Variants in PPIP5K1 observed in about 807,000 individuals in gnomAD.
PPIP5K1 encodes the protein inositol hexakisphosphate and diphosphoinositol-pentakisphosphate kinase 1.
A neutral mutation model predicts 27.7 loss-of-function variants in PPIP5K1; 6 were observed. That is an observed-to-expected ratio of 0.22 (90% CI 0.12 to 0.43). The LOEUF is 0.43. PPIP5K1 is among the 20% of genes least tolerant of loss of function. The probability of loss-of-function intolerance (pLI) is 1.00; values close to 1 mark genes in which losing one functional copy is unlikely to be tolerated. For missense variants in PPIP5K1, 394 were observed against 635.4 expected (o/e 0.62, Z 4.08); for synonymous variants, 145 against 242.6 (o/e 0.60, Z 3.74).
chr15:43,553,624 T>TTACAGGTGTGAGCCACCTCGCCTGGCCAC (rs2082524089), intron 30 of PPIP5K1, among the ~76,000 whole-genome samples: 1 of 151,752 alleles, frequency 6.6e-6, no homozygotes, highest in Admixed American at 6.6e-5. Flanking sequence ...AGTGCTGGGA[T>TTACAGGTGTGAGCCACCTCGCCTGGCCAC]TTCCTTACTA....
At position 43,535,197 on chromosome 15, in the gene PPIP5K1, T is replaced by C. The variant is rs1019112749; in HGVS notation, c.3950A>G (p.Glu1317Gly). Residue 1317 changes from glutamate (E) to glycine (G), a missense_variant, in exon 32 of 32, where the codon GAG becomes GGG. Transcript: ENST00000420765. ...GCATGGCTGGCTGATGTCAGGGACC[T>C]CCTGACATGGCTGGCTGACCTCCTC... ...PYEEVSQPCQ[E>G]VPDISQPCQD... is the part of the protein sequence containing the mutation. 1 of 1,613,586 alleles carries C rather than the reference T, an allele frequency of 6.2e-7. No homozygotes were observed. Among genetic ancestry groups the C allele is most frequent in the Non-Finnish European group, 8.5e-7 (1 of 1,179,928 alleles).
At chr15:43,541,778 T>G (rs2080758093) in intron 30 of PPIP5K1, among the ~76,000 whole-genome samples, 1 of 152,106 alleles carries the variant, frequency 6.6e-6, no homozygotes, top group Non-Finnish European at 1.5e-5. Flanking sequence ...CAGTTGTCTT[T>G]GCAGAAGGTC....
chr15:43,557,236 C>A (rs1419766135), intron 30 of PPIP5K1, among the ~76,000 whole-genome samples: 2 of 152,130 alleles, frequency 1.3e-5, no homozygotes. Flanking sequence ...CACCTGAGGT[C>A]AGGAGTTCAA....
chr15:43,539,184 C>T (rs900020686), intron 31 of PPIP5K1, among the ~76,000 whole-genome samples: 2 of 142,812 alleles, frequency 1.4e-5, no homozygotes, highest in Non-Finnish European at 1.5e-5. Flanking sequence ...GCAATAAGAG[C>T]GAAACTCTGT....
chr15:43,547,098 T>A (rs944110687), intron 30 of PPIP5K1, among the ~76,000 whole-genome samples: 1 of 152,174 alleles, frequency 6.6e-6, no homozygotes, highest in African/African-American at 2.4e-5. Context: ...GGCTATCCGG[T>A]GGGTATGAAG....
rs1036956948 is a variant in PPIP5K1 at position 43,533,819 on chromosome 15, C to T, written c.*855G>A. On this transcript the variant is annotated 3_prime_UTR_variant, in exon 32 of 32. Transcript: ENST00000420765. ...CAGCATCTCCTAAGCCAAACAGCCC[C>T]ACCACAGAGGAGGCCCACTTTCACA... The T allele has an allele frequency of 5.9e-5, 9 of 152,158 alleles. No individual in the cohort carries two copies. The highest frequency in any genetic ancestry group is 9.7e-5 in the African/African-American group (4 of 41,414). 9.4% of individuals were successfully genotyped at this position (152,158 alleles called of 1,614,324 possible).
At chr15:43,538,821 C>T (rs1332882661) in intron 31 of PPIP5K1, among the ~76,000 whole-genome samples, 1 of 152,154 alleles carries the variant, frequency 6.6e-6, no homozygotes, top group Non-Finnish European at 1.5e-5. Flanking sequence ...CTCCTGCTCC[C>T]AGCTTTTCTA....
rs566636101 is a variant in PPIP5K1 at position 43,550,624 on chromosome 15, TA to T, written c.3556+8170del. ...ATTTGGATATTTTTTTTTCCTTGCC[TA>T]AAACTCCTGGTACGAATGTTGAATA... On this transcript the variant is annotated intron_variant, in intron 30 of 31. Transcript: ENST00000420765. Among the ~76,000 whole-genome samples the T allele has an allele frequency of 1.6e-4, 24 of 152,314 alleles. No homozygotes were observed. The South Asian group carries it at 5.0e-3, about 32-fold the overall frequency.
chr15:43,539,446 G>T, intron 31 of PPIP5K1, 24 bp downstream of exon 31: 2 of 1,479,132 alleles, frequency 1.4e-6, no homozygotes, highest in Non-Finnish European at 1.9e-6. Context: ...CTTTTGTCTA[G>T]GCAGTTCCAA....
chr15:43,557,234 G>T (rs1255682253), intron 30 of PPIP5K1, among the ~76,000 whole-genome samples: 1 of 152,104 alleles, frequency 6.6e-6, no homozygotes, highest in African/African-American at 2.4e-5. Context: ...ATCACCTGAG[G>T]TCAGGAGTTC....
chr15:43,579,381 TATACACACACAC>T (rs2084668653), intron 10 of PPIP5K1, among the ~76,000 whole-genome samples: 1 of 32,112 alleles, frequency 3.1e-5, no homozygotes, highest in South Asian at 1.5e-3. Flanking sequence ...GCTTCGATTA[TATACACACACAC>T]ACACACACAC....
rs75273125 is a variant in PPIP5K1 at position 43,557,690 on chromosome 15, A to G, written c.3556+1105T>C. On this transcript the variant is annotated intron_variant, in intron 30 of 31. Coordinates refer to ENST00000420765, the MANE Select transcript of PPIP5K1 (RefSeq NM_001394395.1). Reference sequence around the variant, plus strand: ...CTCTCTCTCTCTCTTTTGTGGTAACATCTTGCTCTGTCCACCCAGGCTGGA... The same window carrying G: ...CTCTCTCTCTCTCTTTTGTGGTAACGTCTTGCTCTGTCCACCCAGGCTGGA... 9.9e-3 allele frequency among the ~76,000 whole-genome samples: 1,500 copies of G among 150,764 alleles called. 29 individuals are homozygous for G. The highest frequency in any genetic ancestry group is 0.035 in the African/African-American group (1,439 of 41,030).
chr15:43,559,689 T>C (rs1038581439), intron 29 of PPIP5K1, among the ~76,000 whole-genome samples: 21 of 151,902 alleles, frequency 1.4e-4, no homozygotes, highest in African/African-American at 4.8e-5. Context: ...AACCCAAGAA[T>C]TCCAATGTAG....
chr15:43,550,843 C>G (rs914667319), intron 30 of PPIP5K1, among the ~76,000 whole-genome samples: 9 of 152,182 alleles, frequency 5.9e-5, no homozygotes, highest in Non-Finnish European at 1.3e-4. Flanking sequence ...AAATGTTTTT[C>G]TGTGTCAACT....
intron 29 of PPIP5K1, 32 bp from the exon 30 acceptor site, chr15:43,558,964 T>C: frequency 6.2e-7 from 1 of 1,610,688 alleles, no homozygotes; most frequent in Non-Finnish European, 8.5e-7. Flanking sequence ...AAGTCAATGT[T>C]ACTCCTGCCA....
In PPIP5K1 at chr15:43,549,679, A is replaced by T. The variant is rs190277656; in HGVS notation, c.3556+9116T>A. Among the ~76,000 whole-genome samples the T allele has an allele frequency of 6.0e-3, 909 of 152,250 alleles. 3 individuals carry two copies. Among genetic ancestry groups the T allele is most frequent in the African/African-American group, 0.021 (879 of 41,550 alleles). ...AAAAAAAAATCTTTATACAAATTTT[A>T]AAAAATTTATTTTGTAAGCCTGGGC... is the stretch of plus-strand genomic sequence containing the variant. On this transcript the variant is annotated intron_variant, in intron 30 of 31. Coordinates refer to ENST00000420765, the MANE Select transcript of PPIP5K1 (RefSeq NM_001394395.1).
chr15:43,537,593 G>C (rs1337412381), intron 31 of PPIP5K1, among the ~76,000 whole-genome samples: 1 of 149,082 alleles, frequency 6.7e-6, no homozygotes, highest in Non-Finnish European at 1.5e-5. Flanking sequence ...GGAGGCTGAG[G>C]TAGGAGAATC....
intron 30 of PPIP5K1, among the ~76,000 whole-genome samples, chr15:43,550,609 T>C (rs1241022839): frequency 6.6e-6 from 1 of 151,926 alleles, no homozygotes; most frequent in African/African-American, 2.4e-5. Flanking sequence ...ATTTGGATAT[T>C]TTTTTTTCCT....
At chr15:43,535,765 A>C (rs1283342108) in intron 31 of PPIP5K1, among the ~76,000 whole-genome samples, 2 of 152,190 alleles carry the variant, frequency 1.3e-5, no homozygotes, top group Non-Finnish European at 2.9e-5. Context: ...TCCCATCCCA[A>C]TTCCAAGTTC....
Sources: gnomAD v4.1 joint callset for allele counts (sites outside exome capture counted in the v4.1 genomes callset) on GRCh38, gnomAD v4.1.1 for gene constraint, MANE v1.5 for transcripts, NCBI Gene and HGNC (gene_info 2026-07-23, HGNC 2026-07-21) for gene names.